Variants in ZFYVE21 observed in about 807,000 individuals in gnomAD.
ZFYVE21 encodes the protein zinc finger FYVE-type containing 21.
Under a neutral mutation model 29.5 loss-of-function variants are expected in ZFYVE21, and 21 were observed. That is an observed-to-expected ratio of 0.71 (90% confidence interval 0.50 to 1.02). ZFYVE21 has a LOEUF of 1.02. Among genes scored for constraint, ZFYVE21 ranks in the 50% least tolerant of loss-of-function variants. The pLI, the probability that ZFYVE21 is intolerant of heterozygous loss-of-function variation, is 0.00. For missense variants in ZFYVE21, 326 were observed against 335.4 expected, an observed-to-expected ratio of 0.97 and a Z score of 0.22; for synonymous variants, 151 against 133.8, an observed-to-expected ratio of 1.13 and a Z score of -0.89.
intron 1 of ZFYVE21, chr14:103,725,568 C>G (rs2083915818): frequency 6.6e-6 from 1 of 152,362 alleles, no homozygotes; most frequent in African/African-American, 2.4e-5. Flanking sequence ...GTGGCCATGG[C>G]TGCCCACAGT....
chr14:103,726,698 G>A, intron 1 of ZFYVE21, 94 bp from the exon 2 acceptor site: 3 of 1,497,866 alleles, frequency 2.0e-6, no homozygotes, highest in South Asian at 1.1e-5. Flanking sequence ...TGGGGAGGTG[G>A]CAGGGCCCAG....
At chr14:103,729,381 TA>T in intron 5 of ZFYVE21, 199 bp downstream of exon 5, 1 of 598,670 alleles carries the variant, frequency 1.7e-6, no homozygotes, top group South Asian at 2.0e-5. Context: ...AGTGGAGACT[TA>T]AACTGTAAGA....
intron 6 of ZFYVE21, 92 bp downstream of exon 6, chr14:103,732,854 C>G (rs1236533750): frequency 6.3e-7 from 1 of 1,599,612 alleles, no homozygotes; most frequent in Non-Finnish European, 8.5e-7. Context: ...CCATTTGCCC[C>G]CTATCCCCAC....
In ZFYVE21 at chr14:103,727,865, C is replaced by T. The variant is rs1224236618; in HGVS notation, c.309C>T (p.Ser103=). Residue 103 remains serine (S), a synonymous_variant, in exon 3 of 7, where the codon TCC becomes TCT. Transcript: ENST00000311141. ...VRQCAECALV[S]LKEAEFYDKQ... is the part of the protein sequence containing the mutation. ...AGTGCGCGGAGTGCGCCCTCGTGTC[C>T]CTCAAGGAGGCGGAGTTCTACGACA... 1 of 1,613,004 alleles carries T rather than the reference C, an allele frequency of 6.2e-7. No individual in the cohort carries two copies. Among genetic ancestry groups the T allele is most frequent in the African/African-American group, 1.3e-5 (1 of 74,934 alleles).
At position 103,716,083 on chromosome 14, in the gene ZFYVE21, G is replaced by T; in HGVS notation, c.138+104G>T. On this transcript the variant is annotated intron_variant, in intron 1 of 6. Transcript: ENST00000311141. This position sits in a 1 kb window ranked among gnomAD's most constrained non-coding sequence, Gnocchi z 4.8. ...GCGACGACCCCTCCGCCTCCGGGCG[G>T]CCCCTTCCCCAGCCGGCCCCCGCCC... The T allele has an allele frequency of 3.7e-6, 4 of 1,089,112 alleles. No homozygotes were observed. Among genetic ancestry groups the T allele is most frequent in the Non-Finnish European group, 3.4e-6 (3 of 883,306 alleles). The allele number at this position is 1,089,112 out of a possible 1,614,324, so 67.5% of individuals were successfully genotyped here.
chr14:103,730,047 A>T (rs2083960494), intron 5 of ZFYVE21: 1 of 619,404 alleles, frequency 1.6e-6, no homozygotes, highest in South Asian at 2.1e-5. Flanking sequence ...CAGCAGATGT[A>T]CTTTCTCAGT....
chr14:103,723,437 T>C (rs1187148866), intron 1 of ZFYVE21, among the ~76,000 whole-genome samples: 2 of 152,146 alleles, frequency 1.3e-5, no homozygotes, highest in Non-Finnish European at 2.9e-5. Context: ...TTTAGATGCT[T>C]CCAGAAGGCT....
At chr14:103,724,239 C>T (rs976155691) in intron 1 of ZFYVE21, among the ~76,000 whole-genome samples, 1 of 152,246 alleles carries the variant, frequency 6.6e-6, no homozygotes, top group African/African-American at 2.4e-5. Flanking sequence ...CCCCGGTGAC[C>T]CCACAGGCCT....
At position 103,729,605 on chromosome 14, in the gene ZFYVE21, A is replaced by G. The variant is rs1227424028; in HGVS notation, c.526+423A>G. On this transcript the variant is annotated intron_variant, in intron 5 of 6. Coordinates refer to ENST00000311141, the MANE Select transcript of ZFYVE21 (RefSeq NM_024071.4). ...TCTGTGCAGACTAAACCCCTGGTGCATTTCCTGGTGAGCTTTGGCCCATCC... is the reference window on the plus strand; with the variant it reads ...TCTGTGCAGACTAAACCCCTGGTGCGTTTCCTGGTGAGCTTTGGCCCATCC... 7.6e-5 allele frequency: 55 copies of G among 721,054 alleles called. No homozygotes were observed. In the Admixed American group the frequency reaches 1.6e-3, roughly 21 times the overall value. The allele number at this position is 721,054 out of a possible 1,614,324, so 44.7% of individuals were successfully genotyped here. A position where few individuals can be genotyped will look rare whatever the true frequency, so the allele number is the denominator to read the frequency against.
rs375955069 is a variant in ZFYVE21 at position 103,729,742 on chromosome 14, C to T, written c.526+560C>T. The stretch of plus-strand genomic sequence containing the variant: ...TGTTGCTTTCCTTCCGTTCTCTCAC[C>T]GGCTCTTGGTTGCTCCTTCTCGCCA... On this transcript the variant is annotated intron_variant, in intron 5 of 6. Coordinates refer to ENST00000311141, the MANE Select transcript of ZFYVE21 (RefSeq NM_024071.4). The T allele has an allele frequency of 2.5e-5, 39 of 1,532,798 alleles. No individual in the cohort carries two copies. The African/African-American group carries it at 3.3e-4, about 13-fold the overall frequency. 94.9% of individuals were successfully genotyped at this position (1,532,798 alleles called of 1,614,324 possible).
At chr14:103,729,682 C>T (rs1489953877) in intron 5 of ZFYVE21, 6 of 1,344,584 alleles carry the variant, frequency 4.5e-6, no homozygotes, top group African/African-American at 1.4e-5. Context: ...CCGTTATCTG[C>T]AAACTGTGCT....
intron 2 of ZFYVE21, chr14:103,727,215 G>A (rs2083935399): frequency 5.7e-6 from 2 of 348,422 alleles, no homozygotes; most frequent in Admixed American, 8.7e-5. Flanking sequence ...CAAAGTGCTG[G>A]GATTACAAGT....
In ZFYVE21 at chr14:103,729,200, C is replaced by T. The variant is rs546920096; in HGVS notation, c.526+18C>T. The T allele has an allele frequency of 3.7e-6, 6 of 1,613,350 alleles. No homozygotes were observed. Among genetic ancestry groups the T allele is most frequent in the African/African-American group, 1.3e-5 (1 of 74,888 alleles). ...TCCTGGAGGTAAATGCCAGCACGTC[C>T]TTTCCTAAGCCAGGAGGGTTTGGTG... On this transcript the variant is annotated intron_variant, in intron 5 of 6. Coordinates refer to ENST00000311141, the MANE Select transcript of ZFYVE21 (RefSeq NM_024071.4).
chr14:103,717,986 C>T (rs2083842064), intron 1 of ZFYVE21, among the ~76,000 whole-genome samples: 1 of 152,170 alleles, frequency 6.6e-6, no homozygotes, highest in Non-Finnish European at 1.5e-5. Context: ...GGGACATGTA[C>T]GGTAACAGTC....
chr14:103,724,033 A>T (rs1346350786), intron 1 of ZFYVE21, among the ~76,000 whole-genome samples: 3 of 152,150 alleles, frequency 2.0e-5, no homozygotes, highest in Non-Finnish European at 4.4e-5. Context: ...GACTTCCCAG[A>T]GAAGGGGTGC....
Position 103,727,934 on chromosome 14 carries a change from A to T in ZFYVE21, c.358+20A>T. On this transcript the variant is annotated intron_variant, in intron 3 of 6. Transcript: ENST00000311141. ...TGAGCGGTAAGGACGGGTGTCCTGC[A>T]CAGTCCCGCGCGCTCCGCCAGCCGG... 1 of 1,591,760 alleles carries T rather than the reference A, an allele frequency of 6.3e-7. No individual in the cohort carries two copies. Among genetic ancestry groups the T allele is most frequent in the Non-Finnish European group, 8.6e-7 (1 of 1,164,220 alleles).
At position 103,729,658 on chromosome 14, in the gene ZFYVE21, G is replaced by A. The variant is rs773038746; in HGVS notation, c.526+476G>A. 846 of 1,120,430 alleles carry A rather than the reference G, an allele frequency of 7.6e-4. 4 individuals are homozygous for A. The highest frequency in any genetic ancestry group is 6.2e-4 in the Non-Finnish European group (492 of 790,192). The allele number at this position is 1,120,430 out of a possible 1,614,324, so 69.4% of individuals were successfully genotyped here. ...GGCCTCTCCACTAAACTCTGCTGAC[G>A]GGGAGCTCGCATCCCGTTATCTGCA... On this transcript the variant is annotated intron_variant, in intron 5 of 6. Coordinates refer to ENST00000311141, the MANE Select transcript of ZFYVE21 (RefSeq NM_024071.4).
rs770244871 is a variant in ZFYVE21 at position 103,729,120 on chromosome 14, A to C, written c.464A>C (p.Tyr155Ser). 2 of 1,614,068 alleles carry C rather than the reference A, an allele frequency of 1.2e-6. No individual in the cohort carries two copies. The highest frequency in any genetic ancestry group is 2.2e-5 in the East Asian group (1 of 44,868). Residue 155 changes from tyrosine (Y) to serine (S), a missense_variant, in exon 5 of 7, where the codon TAT becomes TCT. Tyr to Ser is a moderately radical substitution (Grantham distance 144). Transcript: ENST00000311141. ...RYLFLDGDSHYEIEIVHISTV... is the reference protein window; with the variant it reads ...RYLFLDGDSHSEIEIVHISTV... ...TTGTTTCTGGATGGAGACAGCCACT[A>C]TGAAATCGAAATTGTACACATTTCC...
intron 1 of ZFYVE21, chr14:103,725,904 C>A: frequency 6.6e-6 from 1 of 152,432 alleles, no homozygotes; most frequent in Non-Finnish European, 1.5e-5. Context: ...AAAGTGAGCC[C>A]CATGGCCACC....
Sources: allele counts gnomAD v4.1 joint callset (sites outside exome capture counted in the v4.1 genomes callset), GRCh38; gene constraint gnomAD v4.1.1; non-coding constraint Gnocchi (gnomAD v3.1); transcripts MANE v1.5; gene names NCBI Gene and HGNC (gene_info 2026-07-23, HGNC 2026-07-21).